HYCC1: variants seen among roughly 807,000 people sequenced by gnomAD.
HYCC1 encodes the protein hyccin.
At chr7:22,933,637 ATC>A in the HYCC1 span, among the ~76,000 whole-genome samples, 5 of 152,138 alleles carry the variant, frequency 3.3e-5, no homozygotes, top group African/African-American at 1.2e-4. Context: ...CAGTCTGACA[ATC>A]TCTTTCTTTT....
the HYCC1 span, among the ~76,000 whole-genome samples, chr7:22,898,763 C>T: frequency 4.6e-5 from 7 of 151,790 alleles, no homozygotes; most frequent in Admixed American, 2.0e-4. Context: ...CCACCACACC[C>T]GGATAATTTT....
the HYCC1 span, chr7:22,945,520 G>A: frequency 2.6e-6 from 3 of 1,137,350 alleles, no homozygotes; most frequent in Non-Finnish European, 4.0e-6. Context: ...AAGACCCAGG[G>A]TACTTTCATA....
At chr7:22,944,367 C>T in the HYCC1 span, 1 of 152,278 alleles carries the variant, frequency 6.6e-6, no homozygotes, top group East Asian at 1.9e-4. Context: ...CAGATACATA[C>T]AAGTTTGTTT....
At chr7:22,983,547 T>C in the HYCC1 span, among the ~76,000 whole-genome samples, 43 of 152,342 alleles carry the variant, frequency 2.8e-4, 1 homozygote, top group South Asian at 8.3e-3. Context: ...GGATTAAGGA[T>C]TGCCTTGAAA....
chr7:22,955,360 G>A, the HYCC1 span, among the ~76,000 whole-genome samples: 1 of 151,466 alleles, frequency 6.6e-6, no homozygotes, highest in Admixed American at 6.6e-5. Context: ...CTACCTTTAT[G>A]TAGTGCTTTA....
At chr7:23,000,263 GAAA>G in the HYCC1 span, among the ~76,000 whole-genome samples, 1 of 151,900 alleles carries the variant, frequency 6.6e-6, no homozygotes, top group Admixed American at 6.6e-5. Context: ...CAGCAGTTCT[GAAA>G]ACTCTCTACT....
At chr7:22,986,334 G>C in the HYCC1 span, among the ~76,000 whole-genome samples, 5 of 152,170 alleles carry the variant, frequency 3.3e-5, no homozygotes, top group Non-Finnish European at 1.5e-5. Context: ...TGTAGAGAGG[G>C]AGAAAATGTT....
At chr7:23,013,608 G>T in the HYCC1 span, among the ~76,000 whole-genome samples, 2 of 152,136 alleles carry the variant, frequency 1.3e-5, no homozygotes, top group Non-Finnish European at 2.9e-5. Context: ...ACTGCTCCTC[G>T]CCGGGAAGGA....
At chr7:23,010,411 A>G in the HYCC1 span, among the ~76,000 whole-genome samples, 2 of 152,184 alleles carry the variant, frequency 1.3e-5, no homozygotes, top group South Asian at 2.1e-4. Flanking sequence ...TCACTCTGCA[A>G]TGGTTTTCAA....
the HYCC1 span, among the ~76,000 whole-genome samples, chr7:22,948,995 A>G: frequency 6.6e-6 from 1 of 152,082 alleles, no homozygotes; most frequent in African/African-American, 2.4e-5. Flanking sequence ...GTGACAGCCA[A>G]GACTTGTTTA....
chr7:23,012,204 T>A, the HYCC1 span, among the ~76,000 whole-genome samples: 1 of 152,150 alleles, frequency 6.6e-6, no homozygotes. Context: ...TTTCTTAAGA[T>A]CCATTATAAA....
the HYCC1 span, among the ~76,000 whole-genome samples, chr7:22,925,413 C>T: frequency 2.0e-5 from 3 of 152,016 alleles, no homozygotes; most frequent in Admixed American, 6.6e-5. Flanking sequence ...GAACCAACGG[C>T]AAAGAAGTTA....
chr7:22,962,454 G>A, the HYCC1 span, among the ~76,000 whole-genome samples: 1 of 151,884 alleles, frequency 6.6e-6, no homozygotes, highest in Non-Finnish European at 1.5e-5. Context: ...TGTGAGAAAA[G>A]TACAAAGAGC....
At chr7:22,924,470 G>A in the HYCC1 span, among the ~76,000 whole-genome samples, 1 of 152,138 alleles carries the variant, frequency 6.6e-6, no homozygotes, top group East Asian at 1.9e-4. Flanking sequence ...TGGAAAATCG[G>A]GTCACTCCCA....
chr7:22,986,586 G>A, the HYCC1 span, among the ~76,000 whole-genome samples: 1 of 152,186 alleles, frequency 6.6e-6, no homozygotes, highest in South Asian at 2.1e-4. Flanking sequence ...GATGGCTCAC[G>A]CCTGTAATCC....
chr7:22,951,863 A>C, the HYCC1 span, among the ~76,000 whole-genome samples: 1 of 151,968 alleles, frequency 6.6e-6, no homozygotes, highest in Non-Finnish European at 1.5e-5. Flanking sequence ...GTTTAAATAG[A>C]GTACAACCAT....
the HYCC1 span, among the ~76,000 whole-genome samples, chr7:22,900,292 T>A: frequency 1.3e-5 from 2 of 152,262 alleles, no homozygotes; most frequent in African/African-American, 4.8e-5. Flanking sequence ...TTAATGACCT[T>A]GGCAGGCACT....
At chr7:22,916,718 C>A in the HYCC1 span, among the ~76,000 whole-genome samples, 1 of 152,162 alleles carries the variant, frequency 6.6e-6, no homozygotes, top group African/African-American at 2.4e-5. Flanking sequence ...GATGGCAGTT[C>A]TACCAGGCCT....
the HYCC1 span, among the ~76,000 whole-genome samples, chr7:22,909,408 A>G: frequency 6.6e-6 from 1 of 152,228 alleles, no homozygotes; most frequent in African/African-American, 2.4e-5. Flanking sequence ...CAGCCTGCAG[A>G]ACCATGAGCC....
Sources: gnomAD v4.1 joint callset for allele counts (sites outside exome capture counted in the v4.1 genomes callset) on GRCh38, gnomAD v4.1.1 for gene constraint, MANE v1.5 for transcripts, NCBI Gene and HGNC (gene_info 2026-07-23, HGNC 2026-07-21) for gene names.